The following SLC1A2 variants were observed in gnomAD, a reference collection of about 807,000 sequenced individuals.
The protein encoded by SLC1A2 is excitatory amino acid transporter 2.
Under a neutral mutation model 48.8 loss-of-function variants are expected in SLC1A2, and 15 were observed. That is an observed-to-expected ratio of 0.31 (90% confidence interval 0.21 to 0.47). The LOEUF (loss-of-function observed/expected upper bound fraction) is 0.47. Ranked by LOEUF, SLC1A2 falls within the 20% of genes least tolerant of loss-of-function variation. SLC1A2 has a pLI of 0.99. For synonymous variants in SLC1A2, 279 were observed against 272.6 expected, an observed-to-expected ratio of 1.02 and a Z score of -0.23; for missense variants, 502 against 730.5, an observed-to-expected ratio of 0.69 and a Z score of 3.61.
intron 1 of SLC1A2, among the ~76,000 whole-genome samples, chr11:35,344,546 C>T (rs1852959361): frequency 6.6e-6 from 1 of 152,162 alleles, no homozygotes; most frequent in African/African-American, 2.4e-5. Context: ...GACAAACTTT[C>T]CTTACAATTT....
Position 35,255,969 on chromosome 11 carries a change from A to C in SLC1A2, c.*4925T>G, listed in dbSNP as rs777545320. The C allele has an allele frequency of 6.6e-6, 1 of 152,256 alleles. No homozygotes were observed. Among genetic ancestry groups the C allele is most frequent in the African/African-American group, 2.4e-5 (1 of 41,464 alleles). The allele number at this position is 152,256 out of a possible 1,614,324, so 9.4% of individuals were successfully genotyped here. On this transcript the variant is annotated 3_prime_UTR_variant, in exon 11 of 11. Transcript: ENST00000278379. Reference sequence around the variant, plus strand: ...TCATTATTGTGGGCTACTTCAACTTAAAATGTAAATAGGTCACATTTTATA... The same window carrying C: ...TCATTATTGTGGGCTACTTCAACTTCAAATGTAAATAGGTCACATTTTATA...
chr11:35,362,981 G>A (rs1262607304), intron 1 of SLC1A2, among the ~76,000 whole-genome samples: 1 of 152,180 alleles, frequency 6.6e-6, no homozygotes, highest in South Asian at 2.1e-4. Context: ...AACCTGATGA[G>A]GTAGCACTAC....
intron 1 of SLC1A2, among the ~76,000 whole-genome samples, chr11:35,349,007 T>A (rs1263320873): frequency 1.3e-5 from 2 of 151,570 alleles, no homozygotes; most frequent in Non-Finnish European, 2.9e-5. Context: ...TTCTTTTGGT[T>A]GGAAGAGGAA....
At chr11:35,384,119 A>G (rs1854516466) in intron 1 of SLC1A2, among the ~76,000 whole-genome samples, 2 of 152,246 alleles carry the variant, frequency 1.3e-5, no homozygotes, top group Admixed American at 1.3e-4. Context: ...TAGTGCAAAT[A>G]AAAGAGGAGA....
chr11:35,307,337 C>T (rs1851544262), intron 4 of SLC1A2: 1 of 152,246 alleles, frequency 6.6e-6, no homozygotes, highest in Non-Finnish European at 1.5e-5. Flanking sequence ...GACAGCCACT[C>T]CTTCTGAGCA....
chr11:35,308,647 T>C (rs1851589102), intron 4 of SLC1A2, among the ~76,000 whole-genome samples: 1 of 152,104 alleles, frequency 6.6e-6, no homozygotes, highest in East Asian at 1.9e-4. Context: ...ATTAATCCCA[T>C]CCATGAAAGC....
chr11:35,415,283 T>A (rs1311600685), intron 1 of SLC1A2, among the ~76,000 whole-genome samples: 1 of 152,362 alleles, frequency 6.6e-6, no homozygotes, highest in Non-Finnish European at 1.5e-5. Flanking sequence ...TCTTTTGGTT[T>A]TTAATAACAT....
At chr11:35,389,920 G>A (rs916753050) in intron 1 of SLC1A2, among the ~76,000 whole-genome samples, 1 of 152,276 alleles carries the variant, frequency 6.6e-6, no homozygotes, top group African/African-American at 2.4e-5. Flanking sequence ...CCAAGGTTTT[G>A]GGGTCTTAAG....
At chr11:35,326,862 A>G (rs1442305375) in intron 1 of SLC1A2, among the ~76,000 whole-genome samples, 3 of 152,204 alleles carry the variant, frequency 2.0e-5, no homozygotes, top group African/African-American at 4.8e-5. Flanking sequence ...CCCAGATTTA[A>G]GCCAGAAACT....
At chr11:35,318,091 G>A (rs1393580768) in intron 1 of SLC1A2, among the ~76,000 whole-genome samples, 2 of 152,130 alleles carry the variant, frequency 1.3e-5, no homozygotes, top group Admixed American at 6.5e-5. Flanking sequence ...AACCTATTGT[G>A]GCTTTTAAAA....
chr11:35,277,057 C>T (rs1264877356), intron 9 of SLC1A2, among the ~76,000 whole-genome samples: 1 of 152,118 alleles, frequency 6.6e-6, no homozygotes, highest in African/African-American at 2.4e-5. Flanking sequence ...TGAATTCACC[C>T]TTTTATAATG....
chr11:35,419,799 G>T, upstream of SLC1A2: 2 of 336,002 alleles, frequency 6.0e-6, no homozygotes, highest in South Asian at 2.3e-5. The surrounding 1 kb of genome is among the most constrained non-coding windows in gnomAD (Gnocchi z 5.4). Context: ...GGGGTGAAGC[G>T]CAGGCGACCG....
At chr11:35,368,816 G>A (rs1258774806) in intron 1 of SLC1A2, among the ~76,000 whole-genome samples, 2 of 152,184 alleles carry the variant, frequency 1.3e-5, no homozygotes, top group African/African-American at 2.4e-5. Context: ...CCCAAAGCAT[G>A]CCAGCTTACC....
chr11:35,402,838 G>A (rs929727474), intron 1 of SLC1A2, among the ~76,000 whole-genome samples: 3 of 152,202 alleles, frequency 2.0e-5, no homozygotes, highest in Non-Finnish European at 4.4e-5. Context: ...AACAGTTATG[G>A]ATTAAAAGCA....
chr11:35,309,779 G>A (rs1023319526), intron 4 of SLC1A2, among the ~76,000 whole-genome samples: 5 of 152,156 alleles, frequency 3.3e-5, no homozygotes, highest in Non-Finnish European at 5.9e-5. Context: ...CTGTCCTCAA[G>A]TCCTCTTCAG....
At chr11:35,282,080 G>A (rs1376634049) in intron 8 of SLC1A2, among the ~76,000 whole-genome samples, 1 of 92,480 alleles carries the variant, frequency 1.1e-5, no homozygotes, top group African/African-American at 4.0e-5. Flanking sequence ...GGAAGATTAA[G>A]GCCCCTGGAG....
chr11:35,304,541 A>T (rs1350498767), intron 5 of SLC1A2, among the ~76,000 whole-genome samples: 1 of 152,096 alleles, frequency 6.6e-6, no homozygotes, highest in African/African-American at 2.4e-5. Flanking sequence ...CTCACCTCCC[A>T]CTGGTTGTTA....
chr11:35,292,658 T>C, intron 6 of SLC1A2, 138 bp from the exon 7 acceptor site: 1 of 594,848 alleles, frequency 1.7e-6, no homozygotes. Flanking sequence ...AAAGTTCATG[T>C]TATTTTTTAC....
rs1950249579 is a variant in SLC1A2 at position 35,252,320 on chromosome 11, A to G, written c.*8574T>C. 1 of 152,410 alleles carries G rather than the reference A, an allele frequency of 6.6e-6. No homozygotes were observed. Among genetic ancestry groups the G allele is most frequent in the South Asian group, 2.1e-4 (1 of 4,822 alleles). 9.4% of individuals were successfully genotyped at this position (152,410 alleles called of 1,614,324 possible). A position where few individuals can be genotyped will look rare whatever the true frequency, so the allele number is the denominator to read the frequency against. ...CAACCAGAGAGGCTGACCTTTCTCT[A>G]AAGACATGATGCTAATATGCACAGA... On this transcript the variant is annotated 3_prime_UTR_variant, in exon 11 of 11. Transcript: ENST00000278379.
Sources: gnomAD v4.1 joint callset for allele counts (sites outside exome capture counted in the v4.1 genomes callset) on GRCh38, gnomAD v4.1.1 for gene constraint, Gnocchi (gnomAD v3.1) non-coding constraint, MANE v1.5 for transcripts, NCBI Gene and HGNC (gene_info 2026-07-23, HGNC 2026-07-21) for gene names.